The following TNNT3 variants were observed in gnomAD, a reference collection of about 807,000 sequenced individuals.
TNNT3 encodes the protein troponin T3, fast skeletal type.
Under a neutral mutation model 54.2 loss-of-function variants are expected in TNNT3, and 36 were observed. The ratio of observed to expected loss-of-function variants is 0.66; its 90% CI spans 0.51 to 0.88. The LOEUF (loss-of-function observed/expected upper bound fraction) is 0.88. Ranked by LOEUF, TNNT3 falls within the 40% of genes least tolerant of loss-of-function variation. The pLI is 0.00. For missense variants in TNNT3, 291 were observed against 331.6 expected, an observed-to-expected ratio of 0.88 and a Z score of 0.95; for synonymous variants, 120 against 109.7, an observed-to-expected ratio of 1.09 and a Z score of -0.59.
At chr11:1,937,453 G>A (rs1855461018) in intron 15 of TNNT3, among the ~76,000 whole-genome samples, 1 of 152,144 alleles carries the variant, frequency 6.6e-6, no homozygotes, top group African/African-American at 2.4e-5. Flanking sequence ...TGTGACGCTG[G>A]GCAAAATCAT....
At chr11:1,936,793 C>A (rs1273500196) in intron 14 of TNNT3, among the ~76,000 whole-genome samples, 170 bp from the exon 15 acceptor site, 1 of 152,218 alleles carries the variant, frequency 6.6e-6, no homozygotes, top group Non-Finnish European at 1.5e-5. Context: ...GGACGGTGTC[C>A]CCCTGCACAA....
At chr11:1,926,779 C>T in intron 6 of TNNT3, 70 bp downstream of exon 6, 2 of 1,595,790 alleles carry the variant, frequency 1.3e-6, no homozygotes, top group Non-Finnish European at 1.7e-6. Context: ...TGCTTCCTCC[C>T]TCTTGCCCAC....
chr11:1,920,367 G>A (rs928527921), intron 1 of TNNT3, among the ~76,000 whole-genome samples: 2 of 152,184 alleles, frequency 1.3e-5, no homozygotes, highest in Admixed American at 1.3e-4. Context: ...CAGGACAGAA[G>A]TGGACAGGGG....
intron 12 of TNNT3, 25 bp from the exon 13 acceptor site, chr11:1,934,521 C>G: frequency 6.2e-7 from 1 of 1,606,520 alleles, no homozygotes; most frequent in South Asian, 1.1e-5. Flanking sequence ...GACCAGGCCC[C>G]TCTCTTTGGG....
At chr11:1,934,998 C>G (rs997253128) in intron 14 of TNNT3, 79 bp downstream of exon 14, 22 of 1,390,094 alleles carry the variant, frequency 1.6e-5, no homozygotes, top group Non-Finnish European at 1.9e-5. Context: ...TGCGTCCCTA[C>G]CAAACTCTGG....
chr11:1,920,094 G>A (rs1849748767), intron 1 of TNNT3, among the ~76,000 whole-genome samples: 1 of 152,170 alleles, frequency 6.6e-6, no homozygotes, highest in East Asian at 1.9e-4. Context: ...AGGCAGAGAG[G>A]TGCGGGCTGT....
Position 1,929,153 on chromosome 11 carries a change from C to G in TNNT3, c.106+10C>G, listed in dbSNP as rs755697696. ...GAGGAGGACGCGGAAGGTAAGGGCC[C>G]GTCCCTGCCGCCGGAGGTGCAGGAC... On this transcript the variant is annotated intron_variant, in intron 7 of 15. Coordinates refer to ENST00000278317, the MANE Select transcript of TNNT3 (RefSeq NM_006757.4). 1.2e-6 allele frequency: 2 copies of G among 1,612,624 alleles called. No individual in the cohort carries two copies. Among genetic ancestry groups the G allele is most frequent in the Non-Finnish European group, 8.5e-7 (1 of 1,179,964 alleles).
intron 6 of TNNT3, 108 bp from the exon 7 acceptor site, chr11:1,929,012 T>TGA (rs777044087): frequency 7.8e-7 from 1 of 1,282,118 alleles, no homozygotes; most frequent in Non-Finnish European, 1.1e-6. Context: ...AGTGTCCGAG[T>TGA]GAGAGGGGTG....
chr11:1,926,156 G>T (rs1032797622), intron 5 of TNNT3, among the ~76,000 whole-genome samples: 9 of 152,190 alleles, frequency 5.9e-5, no homozygotes, highest in Admixed American at 1.3e-4. Flanking sequence ...GGGGATGGGG[G>T]CGAGCAAAGG....
At chr11:1,936,470 G>A (rs1855080587) in intron 14 of TNNT3, among the ~76,000 whole-genome samples, 1 of 152,228 alleles carries the variant, frequency 6.6e-6, no homozygotes, top group Non-Finnish European at 1.5e-5. Flanking sequence ...CACCTTCCCA[G>A]GAGCTCCGCC....
chr11:1,934,545 G>A lies in TNNT3; in HGVS notation c.481-1G>A, dbSNP rs769915398. 6 of 1,609,096 alleles carry A rather than the reference G, an allele frequency of 3.7e-6. No homozygotes were observed. The Admixed American group carries it at 6.7e-5, about 18-fold the overall frequency. The stretch of plus-strand genomic sequence containing the variant: ...CCTCTCTTTGGGCCTGTCCGCTGCA[G>A]GCTGACCAGAAGAGAGGCAAGAAGC... On this transcript the variant is annotated splice_acceptor_variant, in intron 12 of 15. Coordinates refer to ENST00000278317, the MANE Select transcript of TNNT3 (RefSeq NM_006757.4). LOFTEE classifies it high-confidence loss of function.
intron 14 of TNNT3, chr11:1,935,279 C>T (rs1399306315): frequency 2.7e-6 from 1 of 363,946 alleles, no homozygotes; most frequent in African/African-American, 2.1e-5. Flanking sequence ...CATCATCACC[C>T]AGCTCGGCCC....
intron 15 of TNNT3, chr11:1,938,179 C>A: frequency 1.8e-6 from 1 of 546,938 alleles, no homozygotes; most frequent in Non-Finnish European, 3.3e-6. Flanking sequence ...AGTGGTACCT[C>A]AGGCAAAGAA....
At chr11:1,928,927 CCCT>C in intron 6 of TNNT3, 190 bp from the exon 7 acceptor site, 1 of 698,008 alleles carries the variant, frequency 1.4e-6, no homozygotes, top group Non-Finnish European at 2.6e-6. Flanking sequence ...CCCTTCCACC[CCCT>C]CCCCAGGCAT....
At chr11:1,937,054 G>GC (rs139110714) in intron 15 of TNNT3, 51 bp downstream of exon 15, 1 of 1,546,118 alleles carries the variant, frequency 6.5e-7, no homozygotes, top group Non-Finnish European at 8.7e-7. Context: ...GGCCCTTGGG[G>GC]CCAGCCGCTG....
chr11:1,933,245 TCATC>T (rs1162586116), intron 9 of TNNT3, among the ~76,000 whole-genome samples: 1 of 148,854 alleles, frequency 6.7e-6, no homozygotes, highest in Non-Finnish European at 1.5e-5. Context: ...ATCCATCCAT[TCATC>T]CATCCATCCA....
chr11:1,929,109 C>G lies in TNNT3; in HGVS notation c.83-11C>G, dbSNP rs1365224420. On this transcript the variant is annotated splice_polypyrimidine_tract_variant and intron_variant, in intron 6 of 15. Coordinates refer to ENST00000278317, the MANE Select transcript of TNNT3 (RefSeq NM_006757.4). ...CTTGCATGTGTGCTTGTGCCTTTTG[C>G]CACCTGGAAGACACCGCAGAGGAGG... 6.2e-7 allele frequency: 1 copy of G among 1,613,248 alleles called. No homozygotes were observed. The highest frequency in any genetic ancestry group is 1.7e-5 in the Admixed American group (1 of 60,034).
At chr11:1,919,788 C>T (rs1224643011) in intron 1 of TNNT3, 26 bp downstream of exon 1, 2 of 152,268 alleles carry the variant, frequency 1.3e-5, no homozygotes, top group Non-Finnish European at 2.9e-5. Flanking sequence ...AGCGGCCACC[C>T]AGGACTGGGG....
intron 5 of TNNT3, among the ~76,000 whole-genome samples, chr11:1,925,691 G>T (rs142965676): frequency 6.6e-5 from 10 of 152,260 alleles, no homozygotes; most frequent in African/African-American, 2.4e-4. Context: ...ATGGCACAGA[G>T]TGAGGGGAGA....
Sources: gnomAD v4.1 joint callset for allele counts (sites outside exome capture counted in the v4.1 genomes callset) on GRCh38, gnomAD v4.1.1 for gene constraint, MANE v1.5 for transcripts, NCBI Gene and HGNC (gene_info 2026-07-23, HGNC 2026-07-21) for gene names.